The following MXI1 variants were observed in gnomAD, a reference collection of about 807,000 sequenced individuals.
MXI1 encodes max-interacting protein 1.
A neutral mutation model predicts 36.9 loss-of-function variants in MXI1; 18 were observed. The observed-to-expected ratio is 0.49, with a 90% CI of 0.34 to 0.72. The LOEUF (loss-of-function observed/expected upper bound fraction) is 0.72. MXI1 is among the 30% of genes least tolerant of loss of function. The probability of loss-of-function intolerance (pLI) is 0.01; values close to 1 mark genes in which losing one functional copy is unlikely to be tolerated. For synonymous variants in MXI1, 160 were observed against 146.7 expected (o/e 1.09, Z -0.65); for missense variants, 304 against 379.1 (o/e 0.80, Z 1.64).
chr10:110,264,644 C>T (rs900500520), intron 3 of MXI1, among the ~76,000 whole-genome samples: 3 of 152,046 alleles, frequency 2.0e-5, no homozygotes, highest in Admixed American at 2.0e-4. Context: ...GATGAGCCAC[C>T]ACGCCCGTCC....
intron 3 of MXI1, among the ~76,000 whole-genome samples, chr10:110,269,307 A>G (rs1312510295): frequency 1.3e-5 from 2 of 152,196 alleles, no homozygotes; most frequent in East Asian, 1.9e-4. Flanking sequence ...TTCCTCCTAT[A>G]TGAATATTCC....
chr10:110,211,219 A>G (rs1237738984), intron 1 of MXI1, among the ~76,000 whole-genome samples: 1 of 151,910 alleles, frequency 6.6e-6, no homozygotes, highest in Admixed American at 6.6e-5. Context: ...CCTCCCAGCT[A>G]GAGACACATG....
chr10:110,233,160 A>G (rs1262206769), intron 2 of MXI1, among the ~76,000 whole-genome samples: 1 of 152,168 alleles, frequency 6.6e-6, no homozygotes, highest in East Asian at 1.9e-4. Context: ...TAAAAGCAGT[A>G]TCTCAGTTCC....
At chr10:110,283,500 G>A (rs1857333531) in intron 5 of MXI1, among the ~76,000 whole-genome samples, 2 of 151,686 alleles carry the variant, frequency 1.3e-5, no homozygotes, top group South Asian at 4.2e-4. Flanking sequence ...TCCTGACCTC[G>A]TGATCCACCT....
intron 3 of MXI1, among the ~76,000 whole-genome samples, chr10:110,270,443 T>A (rs1029770861): frequency 3.3e-5 from 5 of 152,106 alleles, no homozygotes; most frequent in African/African-American, 9.7e-5. Flanking sequence ...TTAATTATTT[T>A]TTTTTTTTTC....
At chr10:110,265,823 T>C (rs1856660828) in intron 3 of MXI1, among the ~76,000 whole-genome samples, 1 of 152,204 alleles carries the variant, frequency 6.6e-6, no homozygotes, top group Non-Finnish European at 1.5e-5. Flanking sequence ...GTTATTCCTC[T>C]GCATGGTTCT....
At chr10:110,211,414 T>A (rs548450888) in intron 1 of MXI1, among the ~76,000 whole-genome samples, 3 of 151,966 alleles carry the variant, frequency 2.0e-5, no homozygotes, top group Non-Finnish European at 4.4e-5. Context: ...GCTGGTCCAG[T>A]CTCTTCTTAA....
At chr10:110,253,078 C>T (rs1040201542) in intron 3 of MXI1, among the ~76,000 whole-genome samples, 18 of 151,956 alleles carry the variant, frequency 1.2e-4, no homozygotes, top group African/African-American at 4.4e-4. Context: ...TTATGCTATA[C>T]TTGTGGGATC....
intron 1 of MXI1, among the ~76,000 whole-genome samples, chr10:110,219,866 C>T (rs1459916209): frequency 6.6e-6 from 1 of 152,186 alleles, no homozygotes; most frequent in African/African-American, 2.4e-5. Flanking sequence ...ATCTTTCTGA[C>T]CTAGTGTTTC....
chr10:110,226,846 GGA>G (rs1564708475), intron 1 of MXI1, among the ~76,000 whole-genome samples: 1 of 16,540 alleles, frequency 6.0e-5, no homozygotes, highest in Non-Finnish European at 1.3e-4. Flanking sequence ...TGAGGGGAGG[GGA>G]GCATGTGAGG....
At chr10:110,263,539 C>G (rs773992961) in intron 3 of MXI1, among the ~76,000 whole-genome samples, 1 of 152,136 alleles carries the variant, frequency 6.6e-6, no homozygotes, top group Non-Finnish European at 1.5e-5. Flanking sequence ...ATTGTGACTT[C>G]AAGTTTACTA....
At chr10:110,249,385 C>A (rs1159722328) in intron 3 of MXI1, among the ~76,000 whole-genome samples, 1 of 151,654 alleles carries the variant, frequency 6.6e-6, no homozygotes, top group Non-Finnish European at 1.5e-5. Flanking sequence ...ACAACTGATA[C>A]CTCAGTATCA....
intron 2 of MXI1, among the ~76,000 whole-genome samples, chr10:110,233,609 T>C (rs1855351787): frequency 6.6e-6 from 1 of 152,164 alleles, no homozygotes; most frequent in African/African-American, 2.4e-5. Context: ...AAATGTAGAT[T>C]AGTAGCAGTT....
chr10:110,262,695 T>C (rs1856558488), intron 3 of MXI1, among the ~76,000 whole-genome samples: 1 of 152,054 alleles, frequency 6.6e-6, no homozygotes, highest in South Asian at 2.1e-4. Flanking sequence ...ATAATAAAGG[T>C]GGGAGAGACC....
intron 2 of MXI1, among the ~76,000 whole-genome samples, chr10:110,236,267 G>T (rs1360246841): frequency 6.8e-6 from 1 of 147,606 alleles, no homozygotes; most frequent in African/African-American, 2.5e-5. Flanking sequence ...CCACAGACTT[G>T]TGAGCCTTAT....
At chr10:110,210,537 C>T (rs1286591538) in intron 1 of MXI1, among the ~76,000 whole-genome samples, 2 of 152,062 alleles carry the variant, frequency 1.3e-5, no homozygotes, top group Admixed American at 6.5e-5. Context: ...ACAGCTCGAA[C>T]AGGCTGGGGT....
rs184457474 is a variant in MXI1 at position 110,213,046 on chromosome 10, G to T, written c.274+4964G>T. ...ACTGCTAGCTATGGCACGAGGATCA[G>T]GTTTGGAGGCCAGGGGACACGTGAC... On this transcript the variant is annotated intron_variant, in intron 1 of 5. Transcript: ENST00000332674. Among the ~76,000 whole-genome samples the T allele has an allele frequency of 5.1e-4, 77 of 152,322 alleles. 2 individuals are homozygous for T. The highest frequency in any genetic ancestry group is 2.9e-5 in the Non-Finnish European group (2 of 68,038).
intron 1 of MXI1, chr10:110,227,590 A>T: frequency 9.0e-5 from 71 of 787,658 alleles, no homozygotes; most frequent in Non-Finnish European, 9.7e-5. Context: ...GGGGGGGGTC[A>T]GGGGAAGGGA....
chr10:110,259,474 G>A (rs1856430893), intron 3 of MXI1, among the ~76,000 whole-genome samples: 1 of 152,030 alleles, frequency 6.6e-6, no homozygotes, highest in Admixed American at 6.6e-5. Flanking sequence ...TTTGTCCATT[G>A]TAAATGCTGT....
Sources: allele counts gnomAD v4.1 joint callset (sites outside exome capture counted in the v4.1 genomes callset), GRCh38; gene constraint gnomAD v4.1.1; transcripts MANE v1.5; gene names NCBI Gene and HGNC (gene_info 2026-07-23, HGNC 2026-07-21).